The following GNA14 variants were observed in gnomAD, a reference collection of about 807,000 sequenced individuals.
GNA14 encodes the protein G protein subunit alpha 14.
In GNA14, 50 loss-of-function variants were observed where a neutral mutation model predicts 42.0. The ratio of observed to expected loss-of-function variants is 1.19; its 90% CI spans 0.95 to 1.51. GNA14 has a LOEUF of 1.51. Among genes scored for constraint, GNA14 ranks in the 40% most tolerant of loss-of-function variants. The pLI, the probability that GNA14 is intolerant of heterozygous loss-of-function variation, is 0.00. For synonymous variants in GNA14, 173 were observed against 163.1 expected, an observed-to-expected ratio of 1.06 and a Z score of -0.46; for missense variants, 473 against 446.2, an observed-to-expected ratio of 1.06 and a Z score of -0.54.
intron 1 of GNA14, among the ~76,000 whole-genome samples, chr9:77,535,105 C>A (rs1313446103): frequency 6.6e-6 from 1 of 152,212 alleles, no homozygotes; most frequent in East Asian, 1.9e-4. Flanking sequence ...AGCAAAGAGG[C>A]CTGCCCAGAG....
intron 2 of GNA14, chr9:77,518,119 A>C (rs367880158): frequency 3.9e-5 from 6 of 152,150 alleles, no homozygotes; most frequent in South Asian, 2.1e-4. Context: ...TCACACGTTT[A>C]AATTTTGTAA....
chr9:77,503,653 ATTT>A (rs10689125), intron 2 of GNA14, among the ~76,000 whole-genome samples: 1 of 140,766 alleles, frequency 7.1e-6, no homozygotes. Context: ...AAATTTCAGG[ATTT>A]TTTTTTTTTT....
chr9:77,543,460 C>T (rs1394472509), intron 1 of GNA14, among the ~76,000 whole-genome samples: 1 of 152,216 alleles, frequency 6.6e-6, no homozygotes, highest in African/African-American at 2.4e-5. Flanking sequence ...GTTGAGCTCT[C>T]AGAATGGTGC....
rs1185739594 is a variant in GNA14 at position 77,594,463 on chromosome 9, A to C, written c.124+53207T>G. Among the ~76,000 whole-genome samples the C allele has an allele frequency of 2.0e-5, 3 of 152,242 alleles. No homozygotes were observed. In the East Asian group the frequency reaches 5.8e-4, roughly 29 times the overall value. ...GCTGGCCCTAAATAGAACAAGCACC[A>C]AAAACAAATCAAAATGAGTTTTACA... On this transcript the variant is annotated intron_variant, in intron 1 of 6. Transcript: ENST00000341700.
At chr9:77,544,154 C>T (rs1454596487) in intron 1 of GNA14, among the ~76,000 whole-genome samples, 2 of 152,140 alleles carry the variant, frequency 1.3e-5, no homozygotes, top group Non-Finnish European at 2.9e-5. Flanking sequence ...AAGAGTTACA[C>T]AATTGTGCTC....
intron 1 of GNA14, among the ~76,000 whole-genome samples, chr9:77,552,544 T>C (rs966999605): frequency 6.6e-6 from 1 of 152,186 alleles, no homozygotes; most frequent in Non-Finnish European, 1.5e-5. Context: ...ATATATTATT[T>C]ATAACAATTG....
rs1423263088 is a variant in GNA14 at position 77,439,581 on chromosome 9, G to A, written c.310-5059C>T. Among the ~76,000 whole-genome samples the A allele has an allele frequency of 5.9e-5, 9 of 152,230 alleles. No individual in the cohort carries two copies. The South Asian group carries it at 1.2e-3, about 21-fold the overall frequency. ...GAGCCTGGGAGGTCAAGGCTGCAGC[G>A]AGCCAAGATCGTGCCACCGCACTTC... On this transcript the variant is annotated intron_variant, in intron 2 of 6. Transcript: ENST00000341700.
intron 1 of GNA14, among the ~76,000 whole-genome samples, chr9:77,562,356 G>A (rs1822897965): frequency 6.6e-6 from 1 of 152,146 alleles, no homozygotes; most frequent in Non-Finnish European, 1.5e-5. Flanking sequence ...TTGAGAGCAA[G>A]GAGGGTATTT....
intron 1 of GNA14, among the ~76,000 whole-genome samples, chr9:77,574,634 T>C (rs529797134): frequency 3.3e-5 from 5 of 152,324 alleles, no homozygotes; most frequent in South Asian, 2.1e-4. Flanking sequence ...TCAGGAATAT[T>C]TGTTCATCTT....
At chr9:77,551,678 A>G (rs1475338655) in intron 1 of GNA14, among the ~76,000 whole-genome samples, 1 of 152,040 alleles carries the variant, frequency 6.6e-6, no homozygotes, top group Non-Finnish European at 1.5e-5. Flanking sequence ...TTATTCTCCT[A>G]CTAGATCTGA....
chr9:77,551,670 A>C (rs1189025233), intron 1 of GNA14, among the ~76,000 whole-genome samples: 2 of 152,084 alleles, frequency 1.3e-5, no homozygotes, highest in Non-Finnish European at 2.9e-5. Context: ...AGGAAGGATT[A>C]TTCTCCTACT....
chr9:77,446,108 A>G (rs767028491), intron 2 of GNA14, among the ~76,000 whole-genome samples: 104 of 152,324 alleles, frequency 6.8e-4, no homozygotes, highest in Non-Finnish European at 1.0e-3. Context: ...GTGAGTGACC[A>G]GAGCGGCAGG....
chr9:77,529,079 T>TCA lies in GNA14; in HGVS notation c.297_298dup (p.Glu100ValfsTer10). On this transcript the variant is annotated frameshift_variant, in exon 2 of 7. Transcript: ENST00000341700. LOFTEE classifies it high-confidence loss of function. Reference sequence around the variant, plus strand: ...CCCTAAGCACGTTACCTTATTCTGTTCACACACATACTGTATCCTTAGCGT... The same window carrying TCA: ...CCCTAAGCACGTTACCTTATTCTGTTCACACACACATACTGTATCCTTAGCGT... The TCA allele has an allele frequency of 6.2e-7, 1 of 1,613,990 alleles. No homozygotes were observed. Among genetic ancestry groups the TCA allele is most frequent in the South Asian group, 1.1e-5 (1 of 91,072 alleles).
intron 2 of GNA14, among the ~76,000 whole-genome samples, chr9:77,458,908 G>GGGGT (rs1836056620): frequency 6.8e-6 from 1 of 147,488 alleles, no homozygotes; most frequent in African/African-American, 2.4e-5. Context: ...AGCTGGAGGG[G>GGGGT]GGGGGGTTGT....
intron 1 of GNA14, among the ~76,000 whole-genome samples, chr9:77,558,043 G>A (rs895663983): frequency 6.6e-6 from 1 of 152,088 alleles, no homozygotes; most frequent in Admixed American, 6.6e-5. Context: ...ATCTGTCTCA[G>A]TCTCCCAGCT....
chr9:77,516,490 G>A (rs890050845), intron 2 of GNA14, among the ~76,000 whole-genome samples: 6 of 152,140 alleles, frequency 3.9e-5, no homozygotes, highest in Non-Finnish European at 7.3e-5. Context: ...ACTTTGGGAG[G>A]CCAAGGCAGC....
chr9:77,557,010 T>C (rs1822794061), intron 1 of GNA14, among the ~76,000 whole-genome samples: 1 of 152,192 alleles, frequency 6.6e-6, no homozygotes, highest in Admixed American at 6.6e-5. Context: ...CAGCATGGGT[T>C]ACCACGGTTA....
intron 1 of GNA14, among the ~76,000 whole-genome samples, chr9:77,556,811 A>G (rs74429658): frequency 0.022 from 3,410 of 152,290 alleles, 126 homozygotes; most frequent in African/African-American, 0.078. Context: ...GAGTTAAGGC[A>G]CAGTTAAGAA....
intron 1 of GNA14, among the ~76,000 whole-genome samples, chr9:77,591,658 G>A (rs1003378096): frequency 2.0e-5 from 3 of 152,202 alleles, no homozygotes; most frequent in Admixed American, 6.5e-5. Context: ...GTAGCATAGT[G>A]CGTGGCTCTC....
Sources: gnomAD v4.1 joint callset for allele counts (sites outside exome capture counted in the v4.1 genomes callset) on GRCh38, gnomAD v4.1.1 for gene constraint, MANE v1.5 for transcripts, NCBI Gene and HGNC (gene_info 2026-07-23, HGNC 2026-07-21) for gene names.